Variants in ARHGAP39 observed in about 807,000 individuals in gnomAD.
The protein encoded by ARHGAP39 is Rho GTPase activating protein 39, also known as rho GTPase-activating protein 39.
A neutral mutation model predicts 106.9 loss-of-function variants in ARHGAP39; 44 were observed. The ratio of observed to expected loss-of-function variants is 0.41; its 90% confidence interval spans 0.32 to 0.53. The LOEUF is 0.53. ARHGAP39 is among the 20% of genes least tolerant of loss of function. The pLI is 0.21. For missense variants in ARHGAP39, 1,496 were observed against 1,577.3 expected (o/e 0.95, Z 0.87); for synonymous variants, 768 against 693.2 (o/e 1.11, Z -1.69).
intron 2 of ARHGAP39, 44 bp from the exon 3 acceptor site, chr8:144,581,321 G>A: frequency 6.7e-7 from 1 of 1,500,960 alleles, no homozygotes; most frequent in Non-Finnish European, 8.9e-7. Context: ...ACGGCGGCCT[G>A]GGCCCGCGCC....
rs1398415803 is a variant in ARHGAP39, at chr8:144,684,774, G to A, written c.-82+912C>T. On this transcript the variant is annotated intron_variant, in intron 1 of 11. Coordinates refer to ENST00000377307, the MANE Select transcript of ARHGAP39 (RefSeq NM_025251.3). This position sits in a 1 kb window ranked among gnomAD's most constrained non-coding sequence, Gnocchi z 4.4. The stretch of plus-strand genomic sequence containing the variant: ...AACCGAGGGAATTCCAGCTCGGGGG[G>A]CAACCGGGAGGGGAAGGCTCCGAGC... 6.6e-6 allele frequency among the ~76,000 whole-genome samples: 1 copy of A among 152,218 alleles called. No homozygotes were observed. Among genetic ancestry groups the A allele is most frequent in the Non-Finnish European group, 1.5e-5 (1 of 68,038 alleles).
At chr8:144,601,614 G>A (rs943345952) in intron 2 of ARHGAP39, among the ~76,000 whole-genome samples, 1 of 146,880 alleles carries the variant, frequency 6.8e-6, no homozygotes, top group Non-Finnish European at 1.5e-5. Context: ...ATGTATCTGT[G>A]TGTGCATGGA....
intron 5 of ARHGAP39, among the ~76,000 whole-genome samples, chr8:144,546,771 C>A (rs1817441422): frequency 6.6e-6 from 1 of 152,198 alleles, no homozygotes; most frequent in African/African-American, 2.4e-5. Context: ...GCTGCCTGCT[C>A]CTCAGGGGCC....
chr8:144,605,543 C>T lies in ARHGAP39; in HGVS notation c.72G>A (p.Ser24=), dbSNP rs745463923. The stretch of plus-strand genomic sequence containing the variant: ...GTCGGTCGGCTCCTTACCGAGTGTT[C>T]GACCCTGGAATCCTCGACTCCGGCA... The part of the protein sequence containing the change: ...VDLPESRIPG[S]NTRLEWVEII... Residue 24 remains serine, a synonymous_variant, in exon 2 of 12, where the codon TCG becomes TCA. Coordinates refer to ENST00000377307, the MANE Select transcript of ARHGAP39 (RefSeq NM_025251.3). The T allele has an allele frequency of 4.4e-5, 71 of 1,613,994 alleles. No homozygotes were observed. The highest frequency in any genetic ancestry group is 3.8e-4 in the South Asian group (35 of 91,086).
rs1173725904 is a variant in ARHGAP39, at chr8:144,641,524, C to T, written c.-81-35829G>A. Among the ~76,000 whole-genome samples the T allele has an allele frequency of 6.6e-6, 1 of 152,154 alleles. No homozygotes were observed. The highest frequency in any genetic ancestry group is 2.4e-5 in the African/African-American group (1 of 41,442). ...GCAGGGCCCTGGCAGCACCACCTGA[C>T]CTGTCTCCTGGCATCCCCTCAGCTC... On this transcript the variant is annotated intron_variant, in intron 1 of 11. Coordinates refer to ENST00000377307, the MANE Select transcript of ARHGAP39 (RefSeq NM_025251.3). The surrounding 1 kb of genome is among the most constrained non-coding windows in gnomAD (Gnocchi z 5.2).
At position 144,591,605 on chromosome 8, in the gene ARHGAP39, G is replaced by A. The variant is rs912015997; in HGVS notation, c.81-10328C>T. On this transcript the variant is annotated intron_variant, in intron 2 of 11. Transcript: ENST00000377307. The surrounding 1 kb of genome is among the most constrained non-coding windows in gnomAD (Gnocchi z 5.3). Reference sequence around the variant, plus strand: ...GGCTCCGGGAGGCCAGTGGTGCTGGGGGACAGGGTGCGTGCCAGAAGAGAG... The same window carrying A: ...GGCTCCGGGAGGCCAGTGGTGCTGGAGGACAGGGTGCGTGCCAGAAGAGAG... 3.3e-5 allele frequency among the ~76,000 whole-genome samples: 5 copies of A among 152,206 alleles called. No individual in the cohort carries two copies. Among genetic ancestry groups the A allele is most frequent in the Admixed American group, 1.3e-4 (2 of 15,290 alleles).
At chr8:144,584,678 C>T (rs967032165) in intron 2 of ARHGAP39, among the ~76,000 whole-genome samples, 3 of 152,108 alleles carry the variant, frequency 2.0e-5, no homozygotes, top group African/African-American at 7.2e-5. Context: ...CAGGAGAATC[C>T]CTTGAACCCG....
chr8:144,690,035 C>T (rs1822711839), upstream of ARHGAP39, among the ~76,000 whole-genome samples: 1 of 152,152 alleles, frequency 6.6e-6, no homozygotes, highest in Non-Finnish European at 1.5e-5. Context: ...GCGTGAGCCA[C>T]CGCACCAGGC....
At chr8:144,581,337 C>A (rs1233138620) in intron 2 of ARHGAP39, 60 bp from the exon 3 acceptor site, 19 of 1,452,384 alleles carry the variant, frequency 1.3e-5, no homozygotes, top group Admixed American at 6.7e-5. Flanking sequence ...GCGCCTCCCA[C>A]CCCTGCAGAC....
At position 144,529,210 on chromosome 8, in the gene ARHGAP39, C is replaced by G. The variant is rs937931851; in HGVS notation, c.*1212G>C. On this transcript the variant is annotated 3_prime_UTR_variant, in exon 12 of 12. Transcript: ENST00000377307. ...CCATGTGCACTTTATTCACTCGTGT[C>G]GTCGCCTCTCGGGTCCATGCGTCGG... 7 of 292,142 alleles carry G rather than the reference C, an allele frequency of 2.4e-5. No homozygotes were observed. In the Middle Eastern group the frequency reaches 2.8e-3, roughly 117 times the overall value. 18.1% of individuals were successfully genotyped at this position (292,142 alleles called of 1,614,324 possible). A position where few individuals can be genotyped will look rare whatever the true frequency, so the allele number is the denominator to read the frequency against.
chr8:144,530,839 C>T lies in ARHGAP39; in HGVS notation c.3013G>A (p.Glu1005Lys). The T allele has an allele frequency of 6.2e-7, 1 of 1,610,890 alleles. No individual in the cohort carries two copies. Among genetic ancestry groups the T allele is most frequent in the Non-Finnish European group, 8.5e-7 (1 of 1,179,546 alleles). ...SLLKLWYREL[E>K]EPLIPHEFYE... is the part of the protein sequence containing the mutation. The stretch of plus-strand genomic sequence containing the variant: ...AACTCGTGCGGGATCAGGGGCTCCT[C>T]CAGCTCCCGGTACCACAGCTTCAGC... Residue 1005 changes from glutamate to lysine, a missense_variant, in exon 11 of 12, where the codon GAG (glutamate) becomes AAG (lysine). Glu to Lys is a moderately conservative substitution (Grantham distance 56). This residue lies in a region of ARHGAP39 where 470 missense variants were observed against 605.1 expected (regional missense o/e 0.78). Coordinates refer to ENST00000377307, the MANE Select transcript of ARHGAP39 (RefSeq NM_025251.3).
At chr8:144,546,789 C>T (rs1419254708) in intron 5 of ARHGAP39, among the ~76,000 whole-genome samples, 2 of 152,208 alleles carry the variant, frequency 1.3e-5, no homozygotes, top group Non-Finnish European at 2.9e-5. Flanking sequence ...GCCCAGGCCA[C>T]GGCTCCGGTG....
At chr8:144,662,621 C>T (rs1821858084) in intron 1 of ARHGAP39, among the ~76,000 whole-genome samples, 1 of 150,796 alleles carries the variant, frequency 6.6e-6, no homozygotes, top group African/African-American at 2.4e-5. Context: ...CCACCTTGGG[C>T]CGCTCCCCAC....
chr8:144,601,188 G>C (rs1282151755), intron 2 of ARHGAP39, among the ~76,000 whole-genome samples: 1 of 139,834 alleles, frequency 7.2e-6, no homozygotes, highest in African/African-American at 2.7e-5. Flanking sequence ...GTGCAAGCTC[G>C]TGTACCTGTG....
intron 3 of ARHGAP39, among the ~76,000 whole-genome samples, chr8:144,566,511 C>T (rs569779680): frequency 3.9e-5 from 6 of 152,144 alleles, no homozygotes; most frequent in South Asian, 4.2e-4. Flanking sequence ...GCAGAGATCA[C>T]GCCATTCCAC....
At chr8:144,608,528 C>T (rs1408246854) in intron 1 of ARHGAP39, among the ~76,000 whole-genome samples, 2 of 152,198 alleles carry the variant, frequency 1.3e-5, no homozygotes, top group African/African-American at 4.8e-5. Context: ...TGCAATCAGG[C>T]ACTGCGAGTC....
chr8:144,601,472 G>A (rs1240847942), intron 2 of ARHGAP39, among the ~76,000 whole-genome samples: 6 of 147,296 alleles, frequency 4.1e-5, no homozygotes, highest in Non-Finnish European at 8.9e-5. Context: ...GGAGGTGTGT[G>A]TGCGAGCTCA....
At position 144,591,676 on chromosome 8, in the gene ARHGAP39, C is replaced by T. The variant is rs1357416917; in HGVS notation, c.81-10399G>A. On this transcript the variant is annotated intron_variant, in intron 2 of 11. Coordinates refer to ENST00000377307, the MANE Select transcript of ARHGAP39 (RefSeq NM_025251.3). The surrounding 1 kb of genome is among the most constrained non-coding windows in gnomAD (Gnocchi z 5.3). ...GGCGAGGAAGGGCAAGGTTTTCGGC[C>T]TGAGCACCTGGAGGGCGGGGCTGTG... 6.6e-6 allele frequency among the ~76,000 whole-genome samples: 1 copy of T among 152,198 alleles called. No homozygotes were observed. The highest frequency in any genetic ancestry group is 1.5e-5 in the Non-Finnish European group (1 of 68,022).
intron 1 of ARHGAP39, among the ~76,000 whole-genome samples, chr8:144,611,066 A>C (rs1820474557): frequency 6.6e-6 from 1 of 152,126 alleles, no homozygotes; most frequent in Admixed American, 6.5e-5. Context: ...GGATCCTCCC[A>C]CCTTTGCCTC....
Sources: gnomAD v4.1 joint callset for allele counts (sites outside exome capture counted in the v4.1 genomes callset) on GRCh38, gnomAD v4.1.1 for gene constraint, gnomAD v4.1.1 regional missense constraint, Gnocchi (gnomAD v3.1) non-coding constraint, MANE v1.5 for transcripts, NCBI Gene and HGNC (gene_info 2026-07-23, HGNC 2026-07-21) for gene names.